The following TMPRSS15 variants were observed in gnomAD, a reference collection of about 807,000 sequenced individuals.
The protein encoded by TMPRSS15 is enteropeptidase.
A neutral mutation model predicts 125.3 loss-of-function variants in TMPRSS15; 128 were observed. The observed-to-expected ratio is 1.02, with a 90% CI of 0.89 to 1.18. TMPRSS15 has a LOEUF of 1.18. Among genes scored for constraint, TMPRSS15 ranks in the 50% most tolerant of loss-of-function variants. The pLI, the probability that TMPRSS15 is intolerant of heterozygous loss-of-function variation, is 0.00. For synonymous variants in TMPRSS15, 446 were observed against 423.2 expected (o/e 1.05, Z -0.66); for missense variants, 1,283 against 1,212.7 (o/e 1.06, Z -0.86).
upstream of TMPRSS15, among the ~76,000 whole-genome samples, chr21:18,406,760 C>T (rs2076152909): frequency 6.6e-6 from 1 of 152,112 alleles, no homozygotes; most frequent in African/African-American, 2.4e-5. Flanking sequence ...TAAATGCACA[C>T]ATACAATCTG....
intron 1 of TMPRSS15, among the ~76,000 whole-genome samples, chr21:18,480,401 C>T (rs1426184685): frequency 6.6e-6 from 1 of 151,864 alleles, no homozygotes. Context: ...TTTTAGTAGA[C>T]TTTCTATAAT....
intron 3 of TMPRSS15, among the ~76,000 whole-genome samples, chr21:18,391,537 C>T (rs2897386): frequency 0.09 from 13,712 of 152,252 alleles, 674 homozygotes; most frequent in Non-Finnish European, 0.11. Flanking sequence ...TGGGCTCTGA[C>T]GGTCTTGGGC....
chr21:18,464,259 C>T (rs1292301152), intron 1 of TMPRSS15, among the ~76,000 whole-genome samples: 1 of 150,856 alleles, frequency 6.6e-6, no homozygotes, highest in Non-Finnish European at 1.5e-5. Flanking sequence ...CACAGCTATA[C>T]CAGTGTTTAG....
At chr21:18,462,528 C>T (rs1978570869) in intron 1 of TMPRSS15, among the ~76,000 whole-genome samples, 1 of 151,268 alleles carries the variant, frequency 6.6e-6, no homozygotes, top group South Asian at 2.1e-4. Flanking sequence ...GGAAAGAACA[C>T]CATTATATTT....
At chr21:18,440,184 C>G (rs992031861) in intron 1 of TMPRSS15, among the ~76,000 whole-genome samples, 1 of 151,430 alleles carries the variant, frequency 6.6e-6, no homozygotes, top group East Asian at 1.9e-4. Flanking sequence ...ACCATCCTGG[C>G]TAACACGGTG....
chr21:18,357,792 A>G (rs1026448855), intron 8 of TMPRSS15, among the ~76,000 whole-genome samples: 4 of 151,910 alleles, frequency 2.6e-5, no homozygotes, highest in African/African-American at 9.6e-5. Context: ...TGTAAATTCA[A>G]ATAAACAAAC....
intron 4 of TMPRSS15, among the ~76,000 whole-genome samples, chr21:18,381,214 G>A (rs897370074): frequency 3.3e-5 from 5 of 152,010 alleles, no homozygotes; most frequent in African/African-American, 1.2e-4. Flanking sequence ...AAGTATATTC[G>A]TTTCTACTAA....
At chr21:18,393,323 A>C (rs1444534056) in intron 3 of TMPRSS15, among the ~76,000 whole-genome samples, 1 of 152,222 alleles carries the variant, frequency 6.6e-6, no homozygotes, top group Non-Finnish European at 1.5e-5. Context: ...GATAATAATA[A>C]AGCATGTTCT....
chr21:18,289,936 A>G (rs140551663), intron 21 of TMPRSS15, among the ~76,000 whole-genome samples: 2,296 of 152,306 alleles, frequency 0.015, 18 homozygotes, highest in Middle Eastern at 0.031. Context: ...AAATGCATCG[A>G]TTTGTATACT....
chr21:18,320,767 A>G (rs549399796), intron 16 of TMPRSS15, among the ~76,000 whole-genome samples: 3 of 152,238 alleles, frequency 2.0e-5, no homozygotes, highest in Non-Finnish European at 2.9e-5. Context: ...CCTTACACGC[A>G]TAAACTGGAT....
At chr21:18,430,754 G>C (rs1289601228) in intron 1 of TMPRSS15, among the ~76,000 whole-genome samples, 1 of 152,172 alleles carries the variant, frequency 6.6e-6, no homozygotes. Context: ...AAAACAAGGA[G>C]AGGTCTGGGC....
At chr21:18,329,126 C>T (rs751307016) in intron 15 of TMPRSS15, 43 bp downstream of exon 15, 10 of 1,607,964 alleles carry the variant, frequency 6.2e-6, no homozygotes, top group Non-Finnish European at 8.5e-6. Flanking sequence ...AGCACAACAT[C>T]TTGAGCTTTA....
rs576891330 is a variant in TMPRSS15 at position 18,402,331 on chromosome 21, C to T, written c.145+1147G>A. Among the ~76,000 whole-genome samples, 19 of 152,032 alleles carry T rather than the reference C, an allele frequency of 1.2e-4. No individual in the cohort carries two copies. The East Asian group carries it at 3.3e-3, about 26-fold the overall frequency. On this transcript the variant is annotated intron_variant, in intron 1 of 24. Transcript: ENST00000284885. ...CAGATACGAGGTCAAGAGACTGAGA[C>T]CATCCTGGCCAACATGGTGAAACCC...
intron 13 of TMPRSS15, among the ~76,000 whole-genome samples, chr21:18,340,950 G>C (rs2075439948): frequency 6.6e-6 from 1 of 152,110 alleles, no homozygotes. Context: ...TATTTTGCTA[G>C]CCTCCATTTG....
At chr21:18,295,198 C>T (rs974953352) in intron 19 of TMPRSS15, among the ~76,000 whole-genome samples, 24 of 151,974 alleles carry the variant, frequency 1.6e-4, no homozygotes, top group African/African-American at 5.1e-4. Context: ...AAGGCAGACA[C>T]GTAAGAAGCA....
At position 18,457,362 on chromosome 21, in the gene TMPRSS15, T is replaced by C. The variant is rs370344731; in HGVS notation, c.10+28437A>G. ...ATTGGAGACACGTACGTTTCTCACC[T>C]ACCCCAACTTCCTTGGGAGAAATGA... On this transcript the variant is annotated intron_variant, in intron 1 of 7. Transcript: ENST00000422787. Among the ~76,000 whole-genome samples the C allele has an allele frequency of 2.6e-5, 4 of 152,202 alleles. 1 individual carries two copies. Among genetic ancestry groups the C allele is most frequent in the Admixed American group, 2.0e-4 (3 of 15,262 alleles).
chr21:18,463,734 G>A (rs1978598834), intron 1 of TMPRSS15, among the ~76,000 whole-genome samples: 1 of 152,108 alleles, frequency 6.6e-6, no homozygotes, highest in Non-Finnish European at 1.5e-5. Context: ...AAGAATGGAA[G>A]TCATGACAAA....
rs137960342 is a variant in TMPRSS15 at position 18,311,527 on chromosome 21, A to T, written c.2165+1418T>A. Among the ~76,000 whole-genome samples the T allele has an allele frequency of 1.7e-3, 258 of 152,324 alleles. 1 individual carries two copies. Among genetic ancestry groups the T allele is most frequent in the African/African-American group, 5.9e-3 (245 of 41,582 alleles). The stretch of plus-strand genomic sequence containing the variant: ...AATTACTAGAGAAATGCAAATCAAA[A>T]CCACAATGAGATATCTCTCACCCCT... On this transcript the variant is annotated intron_variant, in intron 18 of 24. Transcript: ENST00000284885.
intron 17 of TMPRSS15, among the ~76,000 whole-genome samples, chr21:18,313,429 A>G (rs560196876): frequency 2.1e-4 from 31 of 150,934 alleles, no homozygotes; most frequent in African/African-American, 7.0e-4. Context: ...TTCTATTAAT[A>G]TATATTATAT....
Sources: allele counts gnomAD v4.1 joint callset (sites outside exome capture counted in the v4.1 genomes callset), GRCh38; gene constraint gnomAD v4.1.1; transcripts MANE v1.5; gene names NCBI Gene and HGNC (gene_info 2026-07-23, HGNC 2026-07-21).